The following CNTN5 variants were observed in gnomAD, a reference collection of about 807,000 sequenced individuals.
The protein encoded by CNTN5 is contactin-5.
In CNTN5, 77 loss-of-function variants were observed where a neutral mutation model predicts 129.1. The observed-to-expected ratio is 0.60, with a 90% confidence interval of 0.50 to 0.72. The LOEUF (loss-of-function observed/expected upper bound fraction) is 0.72. Ranked by LOEUF, CNTN5 falls within the 30% of genes least tolerant of loss-of-function variation. The pLI, the probability that CNTN5 is intolerant of heterozygous loss-of-function variation, is 0.00. For missense variants in CNTN5, 1,478 were observed against 1,328.8 expected (o/e 1.11, Z -1.75); for synonymous variants, 509 against 465.6 (o/e 1.09, Z -1.20).
At chr11:99,929,669 C>T (rs1950146833) in intron 7 of CNTN5, among the ~76,000 whole-genome samples, 1 of 152,142 alleles carries the variant, frequency 6.6e-6, no homozygotes, top group Non-Finnish European at 1.5e-5. Context: ...AACTTACTGA[C>T]TTCATGAGAA....
At chr11:99,481,251 T>C (rs1270261782) in intron 2 of CNTN5, among the ~76,000 whole-genome samples, 1 of 152,182 alleles carries the variant, frequency 6.6e-6, no homozygotes, top group African/African-American at 2.4e-5. Flanking sequence ...TATCTCAGGA[T>C]ATTTTCTCAC....
intron 15 of CNTN5, among the ~76,000 whole-genome samples, chr11:100,203,799 T>TACACCCAC (rs373015585): frequency 7.2e-6 from 1 of 139,098 alleles, no homozygotes; most frequent in African/African-American, 2.7e-5. Context: ...AATGTGCACG[T>TACACCCAC]ACACACACAC....
chr11:99,257,452 A>G (rs916935917), intron 1 of CNTN5, among the ~76,000 whole-genome samples: 20 of 152,068 alleles, frequency 1.3e-4, no homozygotes, highest in African/African-American at 4.1e-4. Flanking sequence ...CAAACTATCC[A>G]TACCTATCTT....
intron 2 of CNTN5, among the ~76,000 whole-genome samples, chr11:99,529,601 C>T (rs371675279): frequency 3.3e-5 from 5 of 152,006 alleles, no homozygotes; most frequent in African/African-American, 9.7e-5. Context: ...GGATTATGAT[C>T]CAAACCCAAA....
At chr11:99,113,066 C>T (rs565368784) in intron 1 of CNTN5, among the ~76,000 whole-genome samples, 1 of 152,106 alleles carries the variant, frequency 6.6e-6, no homozygotes, top group African/African-American at 2.4e-5. Context: ...GTTTCCCATT[C>T]AGGCAAAAAC....
intron 13 of CNTN5, among the ~76,000 whole-genome samples, chr11:100,170,053 C>A (rs1042946841): frequency 6.6e-6 from 1 of 151,970 alleles, no homozygotes; most frequent in Non-Finnish European, 1.5e-5. Flanking sequence ...AAAGAACACA[C>A]CACAGTTCCT....
chr11:99,909,539 A>G (rs1361857166), intron 6 of CNTN5, among the ~76,000 whole-genome samples: 14 of 152,164 alleles, frequency 9.2e-5, no homozygotes. Context: ...ACTATTCACA[A>G]TAGCAAAGAC....
chr11:99,501,417 T>C (rs1946422795), intron 2 of CNTN5, among the ~76,000 whole-genome samples: 1 of 152,220 alleles, frequency 6.6e-6, no homozygotes, highest in Non-Finnish European at 1.5e-5. Flanking sequence ...TAACATTTAG[T>C]TTAAAGAATA....
intron 13 of CNTN5, among the ~76,000 whole-genome samples, chr11:100,077,094 T>C (rs1294110736): frequency 6.6e-6 from 1 of 152,174 alleles, no homozygotes; most frequent in East Asian, 1.9e-4. Flanking sequence ...TCAGTTACAA[T>C]GACAACTTAT....
chr11:99,924,336 G>A (rs1215387665), intron 7 of CNTN5, among the ~76,000 whole-genome samples: 3 of 152,046 alleles, frequency 2.0e-5, no homozygotes, highest in African/African-American at 7.2e-5. Context: ...TGTCTAGAGA[G>A]TGTTTCTTAG....
At chr11:100,006,778 T>C (rs1415540335) in intron 9 of CNTN5, among the ~76,000 whole-genome samples, 1 of 152,118 alleles carries the variant, frequency 6.6e-6, no homozygotes, top group Admixed American at 6.6e-5. Context: ...GTATATAGAA[T>C]GGCGAATCCT....
intron 7 of CNTN5, among the ~76,000 whole-genome samples, chr11:99,923,757 G>GTCTGTCTGTCTGTCTATCTATCTATCTA (rs71050033): frequency 7.1e-6 from 1 of 140,590 alleles, no homozygotes; most frequent in African/African-American, 2.7e-5. Context: ...CTATCTGTCT[G>GTCTGTCTGTCTGTCTATCTATCTATCTA]TCTATCTATC....
At chr11:99,340,812 G>T (rs895760249) in intron 2 of CNTN5, among the ~76,000 whole-genome samples, 2 of 152,090 alleles carry the variant, frequency 1.3e-5, no homozygotes, top group African/African-American at 4.8e-5. Flanking sequence ...AAAAGCTATG[G>T]TATTACAATT....
intron 17 of CNTN5, among the ~76,000 whole-genome samples, chr11:100,256,568 G>A (rs76836295): frequency 6.6e-6 from 1 of 152,134 alleles, no homozygotes; most frequent in Non-Finnish European, 1.5e-5. Flanking sequence ...AACGCAGAAG[G>A]TGGGTGATTT....
At chr11:100,341,265 T>C in intron 23 of CNTN5, 60 bp downstream of exon 23, 1 of 1,272,016 alleles carries the variant, frequency 7.9e-7, no homozygotes, top group Non-Finnish European at 1.1e-6. Flanking sequence ...ATTATGAAGA[T>C]GGAAAATTAA....
rs76913746 is a variant in CNTN5, at chr11:99,780,489, T to C, written c.56-39055T>C. ...GTCGGGTTGAGAATAAATAAGTGAA[T>C]TGGATTTTAAGAGTGAGATTCTCAA... On this transcript the variant is annotated intron_variant, in intron 3 of 24. Coordinates refer to ENST00000524871, the MANE Select transcript of CNTN5 (RefSeq NM_014361.4). 3.6e-3 allele frequency among the ~76,000 whole-genome samples: 548 copies of C among 152,092 alleles called. 1 individual carries two copies. Among genetic ancestry groups the C allele is most frequent in the Non-Finnish European group, 5.9e-3 (398 of 67,982 alleles).
At chr11:99,935,435 T>G (rs1950294949) in intron 7 of CNTN5, among the ~76,000 whole-genome samples, 1 of 152,092 alleles carries the variant, frequency 6.6e-6, no homozygotes. Flanking sequence ...TAATCCCCAA[T>G]TTTTAATGGC....
At chr11:99,629,849 G>A (rs1951274206) in intron 3 of CNTN5, among the ~76,000 whole-genome samples, 1 of 151,324 alleles carries the variant, frequency 6.6e-6, no homozygotes, top group East Asian at 1.9e-4. Context: ...TTTTAATATG[G>A]TAATATTTGA....
intron 18 of CNTN5, among the ~76,000 whole-genome samples, chr11:100,292,339 AG>A (rs1951005926): frequency 6.6e-6 from 1 of 152,004 alleles, no homozygotes; most frequent in African/African-American, 2.4e-5. Context: ...GCCCCCTAGC[AG>A]GCAGCCTTAT....
Sources: gnomAD v4.1 joint callset for allele counts (sites outside exome capture counted in the v4.1 genomes callset) on GRCh38, gnomAD v4.1.1 for gene constraint, MANE v1.5 for transcripts, NCBI Gene and HGNC (gene_info 2026-07-23, HGNC 2026-07-21) for gene names.